GRIA2: variants seen among roughly 807,000 people sequenced by gnomAD.
The protein encoded by GRIA2 is glutamate ionotropic receptor AMPA type subunit 2.
GRIA2 carries 14 observed loss-of-function variants against 97.3 expected under a neutral mutation model. The observed-to-expected ratio is 0.14, with a 90% CI of 0.10 to 0.23. GRIA2 has a LOEUF of 0.23. Among genes scored for constraint, GRIA2 ranks in the 10% least tolerant of loss-of-function variants. The pLI, the probability that GRIA2 is intolerant of heterozygous loss-of-function variation, is 1.00. For synonymous variants in GRIA2, 412 were observed against 387.8 expected (o/e 1.06, Z -0.73); for missense variants, 558 against 1,069.8 (o/e 0.52, Z 6.67).
intron 2 of GRIA2, among the ~76,000 whole-genome samples, chr4:157,280,492 T>C (rs1379884170): frequency 2.0e-5 from 3 of 152,168 alleles, no homozygotes; most frequent in African/African-American, 4.8e-5. Flanking sequence ...CTTTATGGCT[T>C]TAAACAGCTA....
intron 2 of GRIA2, among the ~76,000 whole-genome samples, chr4:157,254,653 G>T (rs1302880583): frequency 2.0e-5 from 3 of 152,032 alleles, no homozygotes; most frequent in Non-Finnish European, 4.4e-5. Flanking sequence ...ATCCTGTGTT[G>T]AGGGTGTGTG....
chr4:157,320,423 A>G (rs1041509761), intron 5 of GRIA2, among the ~76,000 whole-genome samples: 5 of 152,150 alleles, frequency 3.3e-5, no homozygotes, highest in Admixed American at 3.3e-4. Context: ...AAGCAAATAT[A>G]TTAAAATTGA....
intron 2 of GRIA2, among the ~76,000 whole-genome samples, chr4:157,257,859 T>G (rs371843034): frequency 8.5e-5 from 13 of 152,244 alleles, no homozygotes; most frequent in African/African-American, 3.1e-4. Flanking sequence ...ACTGAAGCCA[T>G]GGCAGAAGAA....
intron 12 of GRIA2, among the ~76,000 whole-genome samples, chr4:157,343,035 A>G (rs537143649): frequency 1.3e-5 from 2 of 152,184 alleles, no homozygotes; most frequent in East Asian, 3.9e-4. Context: ...CACATTCCCT[A>G]GTAGACAAGA....
intron 5 of GRIA2, among the ~76,000 whole-genome samples, chr4:157,317,991 T>C (rs1579358792): frequency 6.6e-6 from 1 of 152,180 alleles, no homozygotes; most frequent in South Asian, 2.1e-4. Context: ...ATAATAATAA[T>C]AAATATAGCT....
At chr4:157,294,773 G>A (rs1247533956) in intron 2 of GRIA2, among the ~76,000 whole-genome samples, 1 of 152,088 alleles carries the variant, frequency 6.6e-6, no homozygotes, top group African/African-American at 2.4e-5. Context: ...GCTGGCTGGT[G>A]TCACAGCAAG....
At chr4:157,317,769 T>A in intron 5 of GRIA2, 58 bp downstream of exon 5, 1 of 715,252 alleles carries the variant, frequency 1.4e-6, no homozygotes, top group Non-Finnish European at 2.5e-6. Context: ...ATTAAAAATT[T>A]AATTTTGAAT....
intron 2 of GRIA2, among the ~76,000 whole-genome samples, chr4:157,226,415 G>C (rs1170529313): frequency 2.0e-5 from 3 of 151,978 alleles, no homozygotes; most frequent in Admixed American, 2.0e-4. Flanking sequence ...TTTAAAAATA[G>C]GTTGCCCTAT....
chr4:157,283,721 A>T (rs575438842), intron 2 of GRIA2, among the ~76,000 whole-genome samples: 2 of 151,952 alleles, frequency 1.3e-5, no homozygotes, highest in East Asian at 3.9e-4. Flanking sequence ...TTAACCTGTG[A>T]TTTTGAAAGT....
At chr4:157,227,906 A>C (rs1729819851) in intron 2 of GRIA2, among the ~76,000 whole-genome samples, 1 of 152,230 alleles carries the variant, frequency 6.6e-6, no homozygotes, top group South Asian at 2.1e-4. Flanking sequence ...TTCAAACATC[A>C]AAATGTCTAT....
intron 4 of GRIA2, among the ~76,000 whole-genome samples, chr4:157,314,313 A>G (rs542687461): frequency 5.3e-5 from 8 of 152,330 alleles, no homozygotes; most frequent in African/African-American, 1.7e-4. Flanking sequence ...TGTTGATTAA[A>G]TCCTAATTGA....
At chr4:157,342,323 A>G in intron 12 of GRIA2, 1 of 985,146 alleles carries the variant, frequency 1.0e-6, no homozygotes, top group Non-Finnish European at 1.2e-6. Flanking sequence ...CTCATGCTAC[A>G]TTACCTCTGA....
intron 2 of GRIA2, among the ~76,000 whole-genome samples, chr4:157,236,978 A>G (rs538079232): frequency 6.6e-6 from 1 of 152,224 alleles, no homozygotes; most frequent in East Asian, 1.9e-4. Flanking sequence ...TCAGTTCATG[A>G]TTTTTATGAA....
intron 13 of GRIA2, 139 bp from the exon 14 acceptor site, chr4:157,360,871 T>C (rs1736602165): frequency 1.4e-6 from 1 of 692,606 alleles, no homozygotes; most frequent in Non-Finnish European, 2.6e-6. Context: ...TAGTAACATA[T>C]TATTGTGGCC....
At chr4:157,287,622 A>G (rs1042204033) in intron 2 of GRIA2, among the ~76,000 whole-genome samples, 8 of 151,682 alleles carry the variant, frequency 5.3e-5, no homozygotes, top group Non-Finnish European at 1.0e-4. Context: ...TTGAAACTGA[A>G]AAATGGTGGG....
chr4:157,303,915 C>A, intron 3 of GRIA2, 124 bp downstream of exon 3: 1 of 957,466 alleles, frequency 1.0e-6, no homozygotes, highest in African/African-American at 1.6e-5. Context: ...TTTAATTTTG[C>A]TGTGATAATG....
At chr4:157,288,689 G>C (rs889234974) in intron 2 of GRIA2, among the ~76,000 whole-genome samples, 1 of 151,802 alleles carries the variant, frequency 6.6e-6, no homozygotes, top group South Asian at 2.1e-4. Flanking sequence ...TTAGCCATTA[G>C]AAACAGACAA....
intron 12 of GRIA2, among the ~76,000 whole-genome samples, chr4:157,354,903 CT>C (rs1464405600): frequency 3.3e-5 from 5 of 152,248 alleles, no homozygotes; most frequent in African/African-American, 9.6e-5. Flanking sequence ...GTCTTCCCCC[CT>C]GGGAACTATT....
intron 12 of GRIA2, 73 bp downstream of exon 12, chr4:157,341,535 A>G: frequency 2.0e-6 from 2 of 1,006,190 alleles, no homozygotes; most frequent in South Asian, 2.6e-5. Context: ...TTTCCCTCCC[A>G]TAGTCAATTC....
Sources: allele counts gnomAD v4.1 joint callset (sites outside exome capture counted in the v4.1 genomes callset), GRCh38; gene constraint gnomAD v4.1.1; transcripts MANE v1.5; gene names NCBI Gene and HGNC (gene_info 2026-07-23, HGNC 2026-07-21).